The following PIK3CB variants were observed in gnomAD, a reference collection of about 807,000 sequenced individuals.
The protein encoded by PIK3CB is phosphatidylinositol 4,5-bisphosphate 3-kinase catalytic subunit beta isoform.
PIK3CB carries 39 observed loss-of-function variants against 136.8 expected under a neutral mutation model. That is an observed-to-expected ratio of 0.29 (90% CI 0.22 to 0.37). The LOEUF is 0.37. Ranked by LOEUF, PIK3CB falls within the 10% of genes least tolerant of loss-of-function variation. The probability of loss-of-function intolerance (pLI) is 1.00; values close to 1 mark genes in which losing one functional copy is unlikely to be tolerated. For missense variants in PIK3CB, 868 were observed against 1,275.4 expected (o/e 0.68, Z 4.87); for synonymous variants, 428 against 436.6 (o/e 0.98, Z 0.25).
intron 11 of PIK3CB, among the ~76,000 whole-genome samples, chr3:138,705,197 A>AAAAAAAAAAAAAAAAAAAT (rs1313585582): frequency 7.0e-6 from 1 of 142,190 alleles, no homozygotes; most frequent in Non-Finnish European, 1.5e-5. Flanking sequence ...AAACAAAAAA[A>AAAAAAAAAAAAAAAAAAAT]AAAACTTATA....
At position 138,788,432 on chromosome 3, in the gene PIK3CB, A is replaced by G. The variant is rs1230633896; in HGVS notation, c.-17+8031T>C. ...AGCACTTTGGAAGACCGAGGCGGGC[A>G]GATCACCTGAGGTCAGGAGTTGAAG... is the stretch of plus-strand genomic sequence containing the variant. On this transcript the variant is annotated intron_variant, in intron 2 of 23. Transcript: ENST00000674063. Among the ~76,000 whole-genome samples the G allele has an allele frequency of 6.8e-5, 10 of 147,450 alleles. No homozygotes were observed. In the East Asian group the frequency reaches 1.1e-3, roughly 16 times the overall value.
At chr3:138,717,742 A>C (rs771021467) in intron 8 of PIK3CB, among the ~76,000 whole-genome samples, 1 of 152,126 alleles carries the variant, frequency 6.6e-6, no homozygotes, top group Admixed American at 6.5e-5. Flanking sequence ...CTTTGTGTTC[A>C]TAAGTTCTTA....
intron 15 of PIK3CB, among the ~76,000 whole-genome samples, chr3:138,689,369 A>G (rs1190969316): frequency 6.6e-6 from 1 of 152,154 alleles, no homozygotes; most frequent in Non-Finnish European, 1.5e-5. Context: ...TCGAATGTGG[A>G]TGGGGTGGCC....
chr3:138,663,638 T>C (rs1451972700), intron 21 of PIK3CB, among the ~76,000 whole-genome samples: 3 of 152,130 alleles, frequency 2.0e-5, no homozygotes, highest in African/African-American at 7.2e-5. Flanking sequence ...CGGCTCGGGA[T>C]CCCAAAGTGC....
chr3:138,660,033 G>A (rs2043265752), intron 21 of PIK3CB, among the ~76,000 whole-genome samples: 1 of 151,688 alleles, frequency 6.6e-6, no homozygotes, highest in Admixed American at 6.6e-5. Flanking sequence ...TCCCTGGACT[G>A]AGTCTCTATT....
chr3:138,783,456 T>C (rs1017344858), intron 2 of PIK3CB, among the ~76,000 whole-genome samples: 3 of 152,074 alleles, frequency 2.0e-5, no homozygotes, highest in African/African-American at 7.2e-5. Flanking sequence ...TTTTCATTTT[T>C]TGTAGAGACA....
intron 1 of PIK3CB, among the ~76,000 whole-genome samples, chr3:138,812,457 G>T (rs1334498013): frequency 6.6e-6 from 1 of 151,528 alleles, no homozygotes; most frequent in Admixed American, 6.6e-5. Flanking sequence ...AACTGGTCTT[G>T]AACTCCTGAT....
At chr3:138,765,679 C>CA (rs34550458) in intron 2 of PIK3CB, among the ~76,000 whole-genome samples, 64,608 of 119,136 alleles carry the variant, frequency 0.54, 17,425 homozygotes, top group East Asian at 0.96. Context: ...CCCCTCTCTT[C>CA]AAAAAAAAAA....
chr3:138,794,702 T>A (rs939145440), intron 2 of PIK3CB, among the ~76,000 whole-genome samples: 5 of 152,164 alleles, frequency 3.3e-5, no homozygotes, highest in African/African-American at 1.2e-4. Context: ...CCATTTCTCA[T>A]GGAGTTGATA....
intron 11 of PIK3CB, among the ~76,000 whole-genome samples, chr3:138,705,167 A>AAC (rs2044341248): frequency 1.0e-5 from 1 of 96,398 alleles, no homozygotes; most frequent in Non-Finnish European, 2.1e-5. Context: ...AAAAAAAAAA[A>AAC]AAAAAACAAA....
At chr3:138,774,079 G>C (rs547767539) in intron 2 of PIK3CB, among the ~76,000 whole-genome samples, 1 of 152,224 alleles carries the variant, frequency 6.6e-6, no homozygotes, top group Non-Finnish European at 1.5e-5. Context: ...CATTACAGGA[G>C]AGCATTTTCT....
At chr3:138,770,865 T>C (rs529134954) in intron 2 of PIK3CB, among the ~76,000 whole-genome samples, 74 of 151,220 alleles carry the variant, frequency 4.9e-4, no homozygotes, top group Middle Eastern at 3.5e-3. Flanking sequence ...GCACCTGCCA[T>C]CACGCCCGGC....
At chr3:138,678,420 A>G (rs2043694543) in intron 19 of PIK3CB, among the ~76,000 whole-genome samples, 1 of 152,144 alleles carries the variant, frequency 6.6e-6, no homozygotes, top group African/African-American at 2.4e-5. Flanking sequence ...GAAAGGGAAA[A>G]TGAAAATTTA....
chr3:138,813,697 G>A (rs553881823), intron 1 of PIK3CB, among the ~76,000 whole-genome samples: 4 of 151,938 alleles, frequency 2.6e-5, no homozygotes, highest in East Asian at 3.9e-4. Flanking sequence ...GATTACAGGC[G>A]TGAGCCACCG....
At chr3:138,818,497 G>C (rs1456714622) in intron 1 of PIK3CB, among the ~76,000 whole-genome samples, 1 of 152,112 alleles carries the variant, frequency 6.6e-6, no homozygotes, top group African/African-American at 2.4e-5. Flanking sequence ...ATTCCACTTG[G>C]TCAAGCAACT....
intron 1 of PIK3CB, among the ~76,000 whole-genome samples, chr3:138,821,843 T>C (rs895804560): frequency 6.0e-5 from 9 of 151,244 alleles, no homozygotes; most frequent in Non-Finnish European, 1.2e-4. Context: ...GGTGAGTGAA[T>C]GTGCACATCA....
rs1038798850 is a variant in PIK3CB, at chr3:138,755,761, T to C, written c.390A>G (p.Ile130Met). The change falls in exon 4 of 24, where the codon ATA becomes ATG. Residue 130 changes from isoleucine (I) to methionine (M), a missense_variant. Coordinates refer to ENST00000674063, the MANE Select transcript of PIK3CB (RefSeq NM_006219.3). The stretch of plus-strand genomic sequence containing the variant: ...TTTTATTTTTTAATTTACCTTTTCC[T>C]ATAAGGACTCCAATTTTTGAGTCTA... The part of the protein sequence containing the change: ...EKLDSKIGVL[I>M]GKGLHEFDSL... 3 of 1,523,992 alleles carry C rather than the reference T, an allele frequency of 2.0e-6. No individual in the cohort carries two copies. Among genetic ancestry groups the C allele is most frequent in the Non-Finnish European group, 2.7e-6 (3 of 1,098,668 alleles). 94.4% of individuals were successfully genotyped at this position (1,523,992 alleles called of 1,614,324 possible).
intron 3 of PIK3CB, 60 bp downstream of exon 3, chr3:138,759,113 G>A: frequency 1.0e-6 from 1 of 1,003,770 alleles, no homozygotes; most frequent in Middle Eastern, 2.7e-4. Context: ...ATTATAGAAT[G>A]ATATTTCCCC....
Position 138,742,695 on chromosome 3 carries a change from A to G in PIK3CB, c.484T>C (p.Ser162Pro). ...TCCATCCAAGACAATCCCACAAGTG[A>G]CAGGATTTTTTCCTCGCTGAATTTG... Reference protein sequence around the residue: ...MRKFSEEKILSLVGLSWMDWL... With the variant: ...MRKFSEEKILPLVGLSWMDWL... Residue 162 changes from serine to proline, a missense_variant, in exon 5 of 24, where the codon TCA (serine) becomes CCA (proline). Transcript: ENST00000674063. The G allele has an allele frequency of 1.2e-6, 2 of 1,613,156 alleles. No homozygotes were observed. Among genetic ancestry groups the G allele is most frequent in the Non-Finnish European group, 8.5e-7 (1 of 1,179,248 alleles).
Sources: gnomAD v4.1 joint callset for allele counts (sites outside exome capture counted in the v4.1 genomes callset) on GRCh38, gnomAD v4.1.1 for gene constraint, MANE v1.5 for transcripts, NCBI Gene and HGNC (gene_info 2026-07-23, HGNC 2026-07-21) for gene names.